The following GDA variants were observed in gnomAD, a reference collection of about 807,000 sequenced individuals.
GDA encodes the protein cytoplasmic PSD-95 interactor.
Under a neutral mutation model 59.6 loss-of-function variants are expected in GDA, and 18 were observed. The observed-to-expected ratio is 0.30, with a 90% CI of 0.21 to 0.45. The LOEUF is 0.45. Among genes scored for constraint, GDA ranks in the 20% least tolerant of loss-of-function variants. The probability of loss-of-function intolerance (pLI) is 1.00; values close to 1 mark genes in which losing one functional copy is unlikely to be tolerated. For synonymous variants in GDA, 201 were observed against 201.1 expected, an observed-to-expected ratio of 1.00 and a Z score of 0.00; for missense variants, 427 against 552.3, an observed-to-expected ratio of 0.77 and a Z score of 2.27.
intron 2 of GDA, chr9:72,197,482 G>T (rs1335610248): frequency 2.6e-5 from 4 of 152,146 alleles, no homozygotes; most frequent in African/African-American, 9.7e-5. Flanking sequence ...AGGCTTGGAA[G>T]CAGTTGAAGT....
At chr9:72,203,656 C>G (rs1834294904) in intron 3 of GDA, among the ~76,000 whole-genome samples, 1 of 152,324 alleles carries the variant, frequency 6.6e-6, no homozygotes, top group South Asian at 2.1e-4. Flanking sequence ...GGTCTGAACA[C>G]TCATGGATTT....
At chr9:72,186,633 C>T (rs1180243779) in intron 1 of GDA, among the ~76,000 whole-genome samples, 9 of 152,160 alleles carry the variant, frequency 5.9e-5, no homozygotes, top group Non-Finnish European at 1.0e-4. Flanking sequence ...AAAACATGAA[C>T]AAAAGCAAGA....
chr9:72,171,112 C>T (rs1219135741), intron 1 of GDA, among the ~76,000 whole-genome samples: 2 of 152,190 alleles, frequency 1.3e-5, no homozygotes, highest in Non-Finnish European at 2.9e-5. Flanking sequence ...CCACCATCCA[C>T]CGTGCTCTGG....
At chr9:72,162,091 AGAAGCCATTCCTG>A (rs925888606) in intron 1 of GDA, among the ~76,000 whole-genome samples, 1 of 152,198 alleles carries the variant, frequency 6.6e-6, no homozygotes, top group African/African-American at 2.4e-5. Context: ...TGCAAAACAC[AGAAGCCATTCCTG>A]GTTCCTAGAT....
chr9:72,209,689 G>A (rs1172798885), intron 3 of GDA, among the ~76,000 whole-genome samples: 3 of 152,036 alleles, frequency 2.0e-5, no homozygotes, highest in Non-Finnish European at 1.5e-5. Context: ...GCTATAAGGT[G>A]CTGACTGGAA....
intron 1 of GDA, among the ~76,000 whole-genome samples, chr9:72,129,958 C>T (rs12237110): frequency 0.16 from 23,878 of 152,142 alleles, 2,477 homozygotes; most frequent in East Asian, 0.51. Flanking sequence ...CAGAGAATTT[C>T]ATCCCCTGGA....
intron 4 of GDA, among the ~76,000 whole-genome samples, chr9:72,211,987 G>A (rs1405592341): frequency 6.6e-6 from 1 of 152,166 alleles, no homozygotes; most frequent in Non-Finnish European, 1.5e-5. Context: ...AGGGGAAGGA[G>A]AGAGGCAGAA....
chr9:72,124,498 G>T (rs1825778806), intron 1 of GDA, among the ~76,000 whole-genome samples: 1 of 152,128 alleles, frequency 6.6e-6, no homozygotes, highest in Non-Finnish European at 1.5e-5. Context: ...TGCTCTGTTT[G>T]TCTTGATTGT....
intron 1 of GDA, among the ~76,000 whole-genome samples, chr9:72,187,890 A>G (rs541614781): frequency 6.6e-6 from 1 of 152,380 alleles, no homozygotes; most frequent in South Asian, 2.1e-4. Flanking sequence ...GGCAAAGGCC[A>G]TCCTTGTTAT....
At chr9:72,161,527 G>C (rs546096957) in intron 1 of GDA, among the ~76,000 whole-genome samples, 1 of 152,160 alleles carries the variant, frequency 6.6e-6, no homozygotes, top group Non-Finnish European at 1.5e-5. Context: ...AACCCTAGAA[G>C]AGTACATTTT....
chr9:72,234,447 C>G (rs1355297166), intron 10 of GDA, among the ~76,000 whole-genome samples: 1 of 152,034 alleles, frequency 6.6e-6, no homozygotes, highest in East Asian at 1.9e-4. Flanking sequence ...ACAAACCCAC[C>G]AACCCTGTAG....
intron 1 of GDA, among the ~76,000 whole-genome samples, chr9:72,118,030 T>C (rs1189359212): frequency 6.6e-6 from 1 of 151,974 alleles, no homozygotes; most frequent in East Asian, 1.9e-4. Context: ...CCCAGCACTT[T>C]GGGAGGCTGA....
chr9:72,173,295 A>G (rs1237271974), intron 1 of GDA, among the ~76,000 whole-genome samples: 3 of 149,632 alleles, frequency 2.0e-5, no homozygotes, highest in Non-Finnish European at 3.0e-5. Context: ...AAGTGATCAC[A>G]TTGCCTTCTT....
At chr9:72,134,862 A>G (rs917377763) in intron 1 of GDA, among the ~76,000 whole-genome samples, 4 of 152,252 alleles carry the variant, frequency 2.6e-5, no homozygotes, top group African/African-American at 9.6e-5. Context: ...GCCTGGTGGC[A>G]GTCCTGGAAC....
intron 1 of GDA, among the ~76,000 whole-genome samples, chr9:72,170,820 TTG>T (rs1829874966): frequency 1.5e-5 from 1 of 66,592 alleles, no homozygotes; most frequent in African/African-American, 3.6e-5. Flanking sequence ...ATTACTATTA[TTG>T]TTGTTGTTGT....
intron 1 of GDA, among the ~76,000 whole-genome samples, chr9:72,115,317 G>A (rs2132506373): frequency 6.6e-6 from 1 of 152,238 alleles, no homozygotes; most frequent in Middle Eastern, 3.4e-3. Context: ...AATGATATAC[G>A]GATTTCTTTT....
At chr9:72,227,921 C>T (rs758297575) in intron 8 of GDA, 22 bp from the exon 9 acceptor site, 15 of 1,321,294 alleles carry the variant, frequency 1.1e-5, no homozygotes, top group African/African-American at 1.4e-5. Flanking sequence ...GTAAACTCCA[C>T]GTAGGGCACT....
chr9:72,141,823 A>C (rs999500032), intron 1 of GDA, among the ~76,000 whole-genome samples: 6 of 152,200 alleles, frequency 3.9e-5, no homozygotes, highest in African/African-American at 1.4e-4. Flanking sequence ...GATTCATTTC[A>C]TGCCCTAGGT....
In GDA at chr9:72,250,527, A is replaced by G; in HGVS notation, c.*2185A>G. 1 of 1,414,172 alleles carries G rather than the reference A, an allele frequency of 7.1e-7. No homozygotes were observed. The highest frequency in any genetic ancestry group is 9.2e-7 in the Non-Finnish European group (1 of 1,086,248). The allele number at this position is 1,414,172 out of a possible 1,614,324, so 87.6% of individuals were successfully genotyped here. A position where few individuals can be genotyped will look rare whatever the true frequency, so the allele number is the denominator to read the frequency against. The stretch of plus-strand genomic sequence containing the variant: ...ATATGTACTTTGATCTCTCCACATC[A>G]CTTATAACTTATGTGTTTTATTTCT... On this transcript the variant is annotated 3_prime_UTR_variant, in exon 14 of 14. Coordinates refer to ENST00000358399, the MANE Select transcript of GDA (RefSeq NM_004293.5).
Sources: gnomAD v4.1 joint callset for allele counts (sites outside exome capture counted in the v4.1 genomes callset) on GRCh38, gnomAD v4.1.1 for gene constraint, MANE v1.5 for transcripts, NCBI Gene and HGNC (gene_info 2026-07-23, HGNC 2026-07-21) for gene names.